The following SENP6 variants were observed in gnomAD, a reference collection of about 807,000 sequenced individuals.
SENP6 encodes the protein SUMO specific peptidase 6.
In SENP6, 41 loss-of-function variants were observed where a neutral mutation model predicts 134.5. The observed-to-expected ratio is 0.30, with a 90% CI of 0.24 to 0.40. The LOEUF is 0.40. Among genes scored for constraint, SENP6 ranks in the 10% least tolerant of loss-of-function variants. The pLI is 1.00. For synonymous variants in SENP6, 395 were observed against 429.8 expected, an observed-to-expected ratio of 0.92 and a Z score of 1.00; for missense variants, 1,248 against 1,312.5, an observed-to-expected ratio of 0.95 and a Z score of 0.76.
intron 1 of SENP6, among the ~76,000 whole-genome samples, chr6:75,612,400 T>TG (rs1767520599): frequency 1.3e-5 from 2 of 152,228 alleles, no homozygotes; most frequent in Non-Finnish European, 2.9e-5. Flanking sequence ...GGTGCGCTTA[T>TG]GGCTCATTGC....
intron 3 of SENP6, among the ~76,000 whole-genome samples, chr6:75,631,390 A>C (rs1234607574): frequency 6.6e-6 from 1 of 152,180 alleles, no homozygotes; most frequent in Non-Finnish European, 1.5e-5. Context: ...TGTTGGAGCA[A>C]AACAGACTTT....
intron 1 of SENP6, among the ~76,000 whole-genome samples, chr6:75,609,110 G>T (rs573106895): frequency 7.0e-6 from 1 of 142,070 alleles, no homozygotes; most frequent in East Asian, 1.9e-4. Flanking sequence ...GGGTTGTTTG[G>T]CACAGCTTAA....
intron 3 of SENP6, among the ~76,000 whole-genome samples, chr6:75,625,408 C>T (rs1012123779): frequency 6.6e-6 from 1 of 152,040 alleles, no homozygotes; most frequent in Non-Finnish European, 1.5e-5. Flanking sequence ...AGCCACCGTG[C>T]CTGGCCATTA....
At chr6:75,640,771 T>C in intron 6 of SENP6, 67 bp downstream of exon 6, 1 of 965,940 alleles carries the variant, frequency 1.0e-6, no homozygotes, top group South Asian at 2.0e-5. Context: ...TTTATATGTT[T>C]TGAAAAATAT....
chr6:75,661,584 G>A (rs549982081), intron 8 of SENP6, among the ~76,000 whole-genome samples: 1 of 152,322 alleles, frequency 6.6e-6, no homozygotes, highest in African/African-American at 2.4e-5. Context: ...TTTAATAGAA[G>A]TCTTCCTTCT....
Position 75,717,159 on chromosome 6 carries a change from T to G in SENP6, c.*1565T>G, listed in dbSNP as rs1270350258. The G allele has an allele frequency of 6.6e-6, 1 of 152,052 alleles. No individual in the cohort carries two copies. The highest frequency in any genetic ancestry group is 2.4e-5 in the African/African-American group (1 of 41,464). 9.4% of individuals were successfully genotyped at this position (152,052 alleles called of 1,614,324 possible). On this transcript the variant is annotated 3_prime_UTR_variant, in exon 24 of 24. Coordinates refer to ENST00000447266, the MANE Select transcript of SENP6 (RefSeq NM_015571.4). ...AGCTCATATGAAAAACAAGTTTAAT[T>G]TTATTATTTACTGAACATGGCAAAA...
In SENP6 at chr6:75,675,940, C is replaced by T; in HGVS notation, c.1507C>T (p.Pro503Ser). ...KCEWCNVRKLPVVFLQAIPAV... is the reference protein window; with the variant it reads ...KCEWCNVRKLSVVFLQAIPAV... ...TGAATGGTGTAATGTCCGAAAATTACCTGTAGTGTTTCTTCAAGCAATTCC... is the reference window on the plus strand; with the variant it reads ...TGAATGGTGTAATGTCCGAAAATTATCTGTAGTGTTTCTTCAAGCAATTCC... Residue 503 changes from proline to serine, a missense_variant, in exon 13 of 24, where the codon CCT (proline) becomes TCT (serine). Physicochemically the swap from Pro to Ser is moderately conservative, Grantham distance 74 (BLOSUM62 -1). Coordinates refer to ENST00000447266, the MANE Select transcript of SENP6 (RefSeq NM_015571.4). The T allele has an allele frequency of 6.2e-7, 1 of 1,612,486 alleles. No individual in the cohort carries two copies. The highest frequency in any genetic ancestry group is 8.5e-7 in the Non-Finnish European group (1 of 1,179,200).
chr6:75,690,683 G>T (rs11759036), intron 16 of SENP6, among the ~76,000 whole-genome samples: 43,186 of 151,134 alleles, frequency 0.29, 6,731 homozygotes, highest in Middle Eastern at 0.37. Flanking sequence ...TGTTTGTTTT[G>T]GTTTTTTTGT....
At chr6:75,660,751 C>T (rs2647409) in intron 8 of SENP6, among the ~76,000 whole-genome samples, 47,557 of 151,880 alleles carry the variant, frequency 0.31, 8,773 homozygotes, top group Admixed American at 0.48. Context: ...TCTGTCTCAG[C>T]CTCCTGAGTA....
At chr6:75,656,230 AAAG>A (rs1771327381) in intron 7 of SENP6, among the ~76,000 whole-genome samples, 1 of 151,694 alleles carries the variant, frequency 6.6e-6, no homozygotes, top group East Asian at 1.9e-4. Context: ...AAAAAAAAAA[AAAG>A]AATACACATT....
At chr6:75,678,516 T>C in intron 14 of SENP6, 67 bp from the exon 15 acceptor site, 1 of 785,118 alleles carries the variant, frequency 1.3e-6, no homozygotes. Flanking sequence ...TCTTGCCTTG[T>C]GCTTACCCTT....
chr6:75,666,712 T>G lies in SENP6; in HGVS notation c.995T>G (p.Ile332Ser). 7.2e-7 allele frequency: 1 copy of G among 1,385,826 alleles called. No individual in the cohort carries two copies. The highest frequency in any genetic ancestry group is 9.6e-7 in the Non-Finnish European group (1 of 1,041,690). The allele number at this position is 1,385,826 out of a possible 1,614,324, so 85.8% of individuals were successfully genotyped here. A position where few individuals can be genotyped will look rare whatever the true frequency, so the allele number is the denominator to read the frequency against. ...KTSLSDLNDP[I>S]ILSSDDDDDN... ...TTATAAATTATTAAAATACTTTTAGTCATTTTGTCCAGTGATGATGATGAT... is the reference window on the plus strand; with the variant it reads ...TTATAAATTATTAAAATACTTTTAGGCATTTTGTCCAGTGATGATGATGAT... Residue 332 changes from isoleucine to serine, a missense_variant and splice_region_variant, in exon 10 of 24, where the codon ATC becomes AGC. Ile to Ser is a moderately radical substitution (Grantham distance 142). Around this residue, in one of 3 missense-constraint regions of SENP6, gnomAD observed 733 missense variants for 725.4 expected, o/e 1.01. Coordinates refer to ENST00000447266, the MANE Select transcript of SENP6 (RefSeq NM_015571.4).
At chr6:75,651,149 C>T (rs1262501396) in intron 7 of SENP6, among the ~76,000 whole-genome samples, 4 of 152,002 alleles carry the variant, frequency 2.6e-5, no homozygotes, top group Admixed American at 2.0e-4. Context: ...GAATAACAAC[C>T]GTTAAGATCT....
chr6:75,711,487 T>C, intron 21 of SENP6, 71 bp downstream of exon 21: 1 of 961,320 alleles, frequency 1.0e-6, no homozygotes, highest in Non-Finnish European at 1.5e-6. Flanking sequence ...ACAGGACAGT[T>C]TTTTTTTTAA....
intron 16 of SENP6, among the ~76,000 whole-genome samples, chr6:75,684,440 T>C (rs1160202385): frequency 6.6e-6 from 1 of 152,350 alleles, no homozygotes; most frequent in East Asian, 1.9e-4. Context: ...CTATGTTGAA[T>C]AGGAGTGGTG....
chr6:75,711,475 T>A, intron 21 of SENP6, 59 bp downstream of exon 21: 1 of 1,095,736 alleles, frequency 9.1e-7, no homozygotes, highest in Non-Finnish European at 1.3e-6. Context: ...TCATAAAACA[T>A]AACAGGACAG....
At chr6:75,677,630 G>A (rs186515877) in intron 14 of SENP6, 75 of 164,388 alleles carry the variant, frequency 4.6e-4, no homozygotes, top group Middle Eastern at 3.2e-3. Context: ...GTGGTCCGTG[G>A]TGTACATTTG....
intron 12 of SENP6, 186 bp downstream of exon 12, chr6:75,675,654 AG>A: frequency 1.4e-6 from 1 of 729,998 alleles, no homozygotes; most frequent in Non-Finnish European, 2.2e-6. Context: ...CTAACTTTTT[AG>A]AAACCCCTTT....
chr6:75,713,581 A>C lies in SENP6; in HGVS notation c.2978A>C (p.Glu993Ala). Reference protein sequence around the residue: ...SRSNVVKILREYLEVEWEVKK... With the variant: ...SRSNVVKILRAYLEVEWEVKK... ...TCAAATGTTGTCAAAATTTTAAGAG[A>C]GTAAGTTCACACTTTATTTCGTATT... Residue 993 changes from glutamate (E) to alanine (A), a missense_variant and splice_region_variant, in exon 22 of 24, where the codon GAG becomes GCG. This residue lies in a region of SENP6 where 386 missense variants were observed against 395.0 expected (regional missense o/e 0.98). Transcript: ENST00000447266. 6.2e-7 allele frequency: 1 copy of C among 1,613,222 alleles called. No homozygotes were observed. Among genetic ancestry groups the C allele is most frequent in the Non-Finnish European group, 8.5e-7 (1 of 1,179,286 alleles).
Sources: allele counts gnomAD v4.1 joint callset (sites outside exome capture counted in the v4.1 genomes callset), GRCh38; gene constraint gnomAD v4.1.1; regional missense constraint gnomAD v4.1.1; transcripts MANE v1.5; gene names NCBI Gene and HGNC (gene_info 2026-07-23, HGNC 2026-07-21).